Variants in CCDC178 observed in about 807,000 individuals in gnomAD.
The protein encoded by CCDC178 is coiled-coil domain containing 178, also known as coiled-coil domain-containing protein 178.
CCDC178 carries 126 observed loss-of-function variants against 117.4 expected under a neutral mutation model. The ratio of observed to expected loss-of-function variants is 1.07; its 90% CI spans 0.93 to 1.24. CCDC178 has a LOEUF of 1.24. Among genes scored for constraint, CCDC178 ranks in the 50% most tolerant of loss-of-function variants. The pLI, the probability that CCDC178 is intolerant of heterozygous loss-of-function variation, is 0.00. For missense variants in CCDC178, 1,030 were observed against 986.9 expected (o/e 1.04, Z -0.59); for synonymous variants, 283 against 313.4 (o/e 0.90, Z 1.02).
chr18:33,286,867 TA>T (rs1477706926), intron 12 of CCDC178, among the ~76,000 whole-genome samples: 1 of 152,124 alleles, frequency 6.6e-6, no homozygotes, highest in Non-Finnish European at 1.5e-5. Context: ...TACAAGAAAC[TA>T]AAAATTGCAC....
rs547154122 is a variant in CCDC178, at chr18:33,295,443, A to G, written c.1023-2131T>C. Among the ~76,000 whole-genome samples the G allele has an allele frequency of 1.2e-4, 19 of 152,294 alleles. No individual in the cohort carries two copies. In the South Asian group the frequency reaches 3.9e-3, roughly 32 times the overall value. On this transcript the variant is annotated intron_variant, in intron 11 of 22. Coordinates refer to ENST00000383096, the MANE Select transcript of CCDC178 (RefSeq NM_001105528.4). ...TGAATAAAAGAAAAAAGTGATAAGT[A>G]GAATTTTAGAAAAATTAAGAACTTC... is the stretch of plus-strand genomic sequence containing the variant.
chr18:33,323,752 A>G (rs2145011192), intron 10 of CCDC178, 119 bp from the exon 11 acceptor site: 1 of 563,370 alleles, frequency 1.8e-6, no homozygotes, highest in East Asian at 3.4e-5. Flanking sequence ...TTCTTCCCAC[A>G]TTTAGCCTAT....
intron 20 of CCDC178, among the ~76,000 whole-genome samples, chr18:33,170,337 G>C (rs2058583833): frequency 6.6e-6 from 1 of 152,100 alleles, no homozygotes; most frequent in Non-Finnish European, 1.5e-5. Flanking sequence ...TCTGATTTAA[G>C]AGGGGCATAT....
At chr18:33,133,769 G>C (rs2058093020) in intron 20 of CCDC178, among the ~76,000 whole-genome samples, 1 of 151,884 alleles carries the variant, frequency 6.6e-6, no homozygotes, top group South Asian at 2.1e-4. Context: ...TTTCAAAGTA[G>C]TGATTGCAAG....
chr18:33,361,838 G>A (rs1173907361), intron 6 of CCDC178, among the ~76,000 whole-genome samples: 4 of 151,690 alleles, frequency 2.6e-5, no homozygotes, highest in Non-Finnish European at 4.4e-5. Context: ...GGGAGCCCTA[G>A]TACAACTGTT....
chr18:33,114,714 T>C (rs1185421887), intron 20 of CCDC178, among the ~76,000 whole-genome samples: 1 of 152,128 alleles, frequency 6.6e-6, no homozygotes, highest in Non-Finnish European at 1.5e-5. Context: ...TTAAATTTTT[T>C]AAGCTATATT....
intron 2 of CCDC178, among the ~76,000 whole-genome samples, chr18:33,439,506 T>C (rs1194644431): frequency 1.3e-5 from 2 of 152,206 alleles, no homozygotes; most frequent in African/African-American, 4.8e-5. Flanking sequence ...GTAAGAAGTA[T>C]TATATATTCA....
At chr18:33,022,654 C>A (rs1022563250) in intron 21 of CCDC178, among the ~76,000 whole-genome samples, 6 of 151,670 alleles carry the variant, frequency 4.0e-5, no homozygotes, top group Admixed American at 3.3e-4. Context: ...CATAAGCAGT[C>A]AAGAAAAATA....
At chr18:33,309,766 T>C (rs1434286234) in intron 11 of CCDC178, among the ~76,000 whole-genome samples, 1 of 152,120 alleles carries the variant, frequency 6.6e-6, no homozygotes. Flanking sequence ...TTAAAACTCA[T>C]TTATAAAACA....
At chr18:33,288,264 C>T (rs1472581845) in intron 12 of CCDC178, among the ~76,000 whole-genome samples, 3 of 124,354 alleles carry the variant, frequency 2.4e-5, no homozygotes, top group Non-Finnish European at 3.4e-5. Flanking sequence ...CCTTCCCTCC[C>T]CTCCTCTCCC....
intron 22 of CCDC178, among the ~76,000 whole-genome samples, chr18:32,961,991 T>A (rs1237887773): frequency 4.3e-5 from 3 of 69,538 alleles, no homozygotes; most frequent in Non-Finnish European, 9.0e-5. Context: ...CTGTTTTTTC[T>A]TTACTGTCTT....
chr18:33,019,521 G>A (rs944540561), intron 21 of CCDC178, among the ~76,000 whole-genome samples: 41 of 152,260 alleles, frequency 2.7e-4, no homozygotes, highest in African/African-American at 9.1e-4. Context: ...ATTAAGAGAT[G>A]TACTTCTTCT....
chr18:33,233,489 T>C (rs1328753068), intron 15 of CCDC178, among the ~76,000 whole-genome samples: 1 of 152,098 alleles, frequency 6.6e-6, no homozygotes, highest in Admixed American at 6.5e-5. Flanking sequence ...ATAACTATCA[T>C]TATGTTCAAC....
chr18:33,078,417 G>A (rs1224862487), intron 21 of CCDC178, among the ~76,000 whole-genome samples: 1 of 152,124 alleles, frequency 6.6e-6, no homozygotes, highest in Non-Finnish European at 1.5e-5. Context: ...ACATAGAATT[G>A]GAAGTCCTGG....
At chr18:33,174,217 A>C (rs1257650222) in intron 20 of CCDC178, among the ~76,000 whole-genome samples, 1 of 152,054 alleles carries the variant, frequency 6.6e-6, no homozygotes, top group African/African-American at 2.4e-5. Flanking sequence ...TCTTGTAACA[A>C]ATTACTGACT....
At position 33,223,212 on chromosome 18, in the gene CCDC178, T is replaced by C; in HGVS notation, c.1826A>G (p.Asn609Ser). The change falls in exon 18 of 23, where the codon AAT becomes AGT. Residue 609 changes from asparagine (N) to serine (S), a missense_variant. Physicochemically the swap from Asn to Ser is conservative, Grantham distance 46. Transcript: ENST00000383096. ...SLDKEHSVML[N>S]NIIDQKDLIR... Reference sequence around the variant, plus strand: ...AAGATCTTTCTGATCAATTATATTATTAAGCATCTAGAAGACATTCAGATA... The same window carrying C: ...AAGATCTTTCTGATCAATTATATTACTAAGCATCTAGAAGACATTCAGATA... 6.3e-7 allele frequency: 1 copy of C among 1,598,804 alleles called. No homozygotes were observed. Among genetic ancestry groups the C allele is most frequent in the African/African-American group, 1.3e-5 (1 of 74,270 alleles).
Position 33,126,809 on chromosome 18 carries a change from C to T in CCDC178, c.2239-33899G>A, listed in dbSNP as rs151215082. 7.2e-3 allele frequency among the ~76,000 whole-genome samples: 1,089 copies of T among 151,936 alleles called. 14 individuals carry two copies. Among genetic ancestry groups the T allele is most frequent in the Non-Finnish European group, 9.1e-3 (617 of 67,976 alleles). On this transcript the variant is annotated intron_variant, in intron 20 of 22. Coordinates refer to ENST00000383096, the MANE Select transcript of CCDC178 (RefSeq NM_001105528.4). ...GAGTAGCTGGGATTATAGGCATGCT[C>T]ACCACACTGACTAATTTTTTGTATT... is the stretch of plus-strand genomic sequence containing the variant.
chr18:33,327,287 T>G (rs2145026330), intron 10 of CCDC178, among the ~76,000 whole-genome samples: 1 of 152,332 alleles, frequency 6.6e-6, no homozygotes, highest in East Asian at 1.9e-4. Context: ...ACCTCATTTC[T>G]TTTTACGGCT....
chr18:33,388,510 C>T (rs1181983236), intron 5 of CCDC178, among the ~76,000 whole-genome samples: 1 of 130,972 alleles, frequency 7.6e-6, no homozygotes, highest in Non-Finnish European at 1.6e-5. Flanking sequence ...GGTACATATA[C>T]ACCACGGAAT....
Sources: gnomAD v4.1 joint callset for allele counts (sites outside exome capture counted in the v4.1 genomes callset) on GRCh38, gnomAD v4.1.1 for gene constraint, MANE v1.5 for transcripts, NCBI Gene and HGNC (gene_info 2026-07-23, HGNC 2026-07-21) for gene names.